The following TRAF6 variants were observed in gnomAD, a reference collection of about 807,000 sequenced individuals.
The protein encoded by TRAF6 is TNF receptor associated factor 6.
A neutral mutation model predicts 48.4 loss-of-function variants in TRAF6; 10 were observed. The ratio of observed to expected loss-of-function variants is 0.21; its 90% CI spans 0.13 to 0.35. The LOEUF (loss-of-function observed/expected upper bound fraction) is 0.35, where lower values mean the gene tolerates loss of function less well. Ranked by LOEUF, TRAF6 falls within the 10% of genes least tolerant of loss-of-function variation. The probability of loss-of-function intolerance (pLI) is 1.00; values close to 1 mark genes in which losing one functional copy is unlikely to be tolerated. For missense variants in TRAF6, 397 were observed against 661.0 expected (o/e 0.60, Z 4.38); for synonymous variants, 186 against 219.6 (o/e 0.85, Z 1.35).
At chr11:36,505,420 T>C (rs946364965) in intron 1 of TRAF6, among the ~76,000 whole-genome samples, 7 of 152,234 alleles carry the variant, frequency 4.6e-5, no homozygotes, top group Admixed American at 4.6e-4. Flanking sequence ...CCAATCTCTG[T>C]TAGCTTCCAA....
At chr11:36,494,938 T>C (rs143141923) in intron 5 of TRAF6, 38 bp downstream of exon 5, 29,529 of 1,390,084 alleles carry the variant, frequency 0.021, 403 homozygotes, top group South Asian at 0.026. Flanking sequence ...TTCTTTAAGC[T>C]GTTTATGAAA....
chr11:36,492,625 G>T lies in TRAF6; in HGVS notation c.682C>A (p.Pro228Thr). The change falls in exon 6 of 7, where the codon CCT becomes ACT. Residue 228 changes from proline (P) to threonine (T), a missense_variant. This residue lies in a region of TRAF6 where 245 missense variants were observed against 349.1 expected (regional missense o/e 0.70). Coordinates refer to ENST00000526995, the MANE Select transcript of TRAF6 (RefSeq NM_004620.4). Reference sequence around the variant, plus strand: ...GGGCAGTCTAGATCATAATGATTAGGCATCTGAAATCCAAAACAAAGGCTG... The same window carrying T: ...GGGCAGTCTAGATCATAATGATTAGTCATCTGAAATCCAAAACAAAGGCTG... ...CNTILIREQM[P>T]NHYDLDCPTA... 1 of 1,606,372 alleles carries T rather than the reference G, an allele frequency of 6.2e-7. No individual in the cohort carries two copies. The highest frequency in any genetic ancestry group is 8.5e-7 in the Non-Finnish European group (1 of 1,177,660).
Position 36,489,821 on chromosome 11 carries a change from G to C in TRAF6, c.*17C>G. 1 of 1,594,888 alleles carries C rather than the reference G, an allele frequency of 6.3e-7. No individual in the cohort carries two copies. Among genetic ancestry groups the C allele is most frequent in the African/African-American group, 1.3e-5 (1 of 74,276 alleles). ...CTGTTTTCTCCAGGTAGTTGTTTTTGAGCAAGTGAGGGCAAGCTATACCCC... is the reference window on the plus strand; with the variant it reads ...CTGTTTTCTCCAGGTAGTTGTTTTTCAGCAAGTGAGGGCAAGCTATACCCC... On this transcript the variant is annotated 3_prime_UTR_variant, in exon 7 of 7. Transcript: ENST00000526995.
chr11:36,489,496 T>TCATATAGTACTCATA lies in TRAF6; in HGVS notation c.*341_*342insTATGAGTACTATATG. ...AGGAAAATCCATTATTATTAAAAGTTTAGTACTCTTGAGTCTGGACTTTCT... is the reference window on the plus strand; with the variant it reads ...AGGAAAATCCATTATTATTAAAAGTTCATATAGTACTCATATAGTACTCTTGAGTCTGGACTTTCT... On this transcript the variant is annotated 3_prime_UTR_variant, in exon 7 of 7. Transcript: ENST00000526995. The TCATATAGTACTCATA allele has an allele frequency of 4.2e-6, 1 of 235,302 alleles. No individual in the cohort carries two copies. The allele number at this position is 235,302 out of a possible 1,614,324, so 14.6% of individuals were successfully genotyped here. A position where few individuals can be genotyped will look rare whatever the true frequency, so the allele number is the denominator to read the frequency against.
intron 2 of TRAF6, among the ~76,000 whole-genome samples, chr11:36,500,854 ATTC>A (rs1859706392): frequency 6.6e-6 from 1 of 152,284 alleles, no homozygotes; most frequent in South Asian, 2.1e-4. Flanking sequence ...CAGAGTCAGT[ATTC>A]TTTGTGTGGT....
chr11:36,495,710 T>C (rs1859621162), intron 4 of TRAF6, among the ~76,000 whole-genome samples: 1 of 152,002 alleles, frequency 6.6e-6, no homozygotes, highest in Admixed American at 6.6e-5. Flanking sequence ...CTGACCAACA[T>C]GGAGAAACCC....
intron 4 of TRAF6, chr11:36,496,608 C>G (rs941662325): frequency 6.6e-6 from 1 of 152,462 alleles, no homozygotes; most frequent in Non-Finnish European, 1.5e-5. Flanking sequence ...AAAGGATAAA[C>G]TTTTAAATTT....
At position 36,497,456 on chromosome 11, in the gene TRAF6, T is replaced by A. The variant is rs920179067; in HGVS notation, c.448-190A>T. Among the ~76,000 whole-genome samples, 5 of 152,182 alleles carry A rather than the reference T, an allele frequency of 3.3e-5. No individual in the cohort carries two copies. The East Asian group carries it at 9.6e-4, about 29-fold the overall frequency. ...AAAATGGTCATGGGTTGCAAATTTATACAAAGGATGTGAATTCTCAAGTTC... is the reference window on the plus strand; with the variant it reads ...AAAATGGTCATGGGTTGCAAATTTAAACAAAGGATGTGAATTCTCAAGTTC... On this transcript the variant is annotated intron_variant, in intron 3 of 6. Coordinates refer to ENST00000526995, the MANE Select transcript of TRAF6 (RefSeq NM_004620.4).
At chr11:36,494,486 T>C (rs1859603398) in intron 5 of TRAF6, among the ~76,000 whole-genome samples, 1 of 152,206 alleles carries the variant, frequency 6.6e-6, no homozygotes, top group African/African-American at 2.4e-5. Flanking sequence ...CCTAAAAATC[T>C]GAAAACTTCC....
intron 2 of TRAF6, among the ~76,000 whole-genome samples, chr11:36,500,481 T>C (rs1352969108): frequency 6.6e-6 from 1 of 152,202 alleles, no homozygotes; most frequent in African/African-American, 2.4e-5. Context: ...AAATGAATCA[T>C]GGGCCTATCA....
chr11:36,507,137 AATGTATAT>A (rs1859798099), intron 1 of TRAF6, among the ~76,000 whole-genome samples: 1 of 141,604 alleles, frequency 7.1e-6, no homozygotes. Context: ...TACATACATA[AATGTATAT>A]ATGTATATAT....
chr11:36,484,604 C>A lies in TRAF6; in HGVS notation c.*5234G>T, dbSNP rs1859455264. 6.7e-6 allele frequency among the ~76,000 whole-genome samples: 1 copy of A among 148,188 alleles called. No individual in the cohort carries two copies. Among genetic ancestry groups the A allele is most frequent in the Non-Finnish European group, 1.5e-5 (1 of 67,072 alleles). ...ATATTTAAATTTCAAATTCTAGTTT[C>A]TACTTTACAAGGAAAAGGACACGAA... On this transcript the variant is annotated 3_prime_UTR_variant, in exon 7 of 7. Transcript: ENST00000526995.
At chr11:36,494,167 C>G (rs1332444138) in intron 5 of TRAF6, among the ~76,000 whole-genome samples, 2 of 151,986 alleles carry the variant, frequency 1.3e-5, no homozygotes, top group East Asian at 3.9e-4. Context: ...GAGTTCGAGA[C>G]CAGTCTAGGC....
intron 1 of TRAF6, among the ~76,000 whole-genome samples, chr11:36,503,892 A>G (rs1237433423): frequency 1.3e-5 from 2 of 152,216 alleles, no homozygotes; most frequent in Non-Finnish European, 2.9e-5. Flanking sequence ...AAACCACCGC[A>G]ATAATCCAAA....
intron 1 of TRAF6, among the ~76,000 whole-genome samples, chr11:36,504,479 T>C (rs1859759766): frequency 1.3e-5 from 2 of 152,196 alleles, no homozygotes. Context: ...CTGCAGAAAT[T>C]CAGTCATATC....
At chr11:36,504,376 A>G (rs1463694674) in intron 1 of TRAF6, among the ~76,000 whole-genome samples, 1 of 149,730 alleles carries the variant, frequency 6.7e-6, no homozygotes, top group Non-Finnish European at 1.5e-5. Context: ...TGTTCACAGC[A>G]TCCTCACCAG....
chr11:36,504,144 G>C (rs558780476), intron 1 of TRAF6, among the ~76,000 whole-genome samples: 2 of 152,270 alleles, frequency 1.3e-5, no homozygotes, highest in East Asian at 3.9e-4. Flanking sequence ...TGATCAGGTT[G>C]GTGGCTGCTG....
intron 2 of TRAF6, among the ~76,000 whole-genome samples, chr11:36,500,705 C>A (rs535734565): frequency 6.6e-6 from 1 of 152,176 alleles, no homozygotes; most frequent in South Asian, 2.1e-4. Flanking sequence ...TGAGAAGGGA[C>A]TGGATTTTGG....
intron 1 of TRAF6, among the ~76,000 whole-genome samples, chr11:36,504,902 G>A (rs1052571998): frequency 6.6e-6 from 1 of 152,172 alleles, no homozygotes; most frequent in Non-Finnish European, 1.5e-5. Context: ...TGGGTGATTA[G>A]GTGCATTGTT....
Sources: gnomAD v4.1 joint callset for allele counts (sites outside exome capture counted in the v4.1 genomes callset) on GRCh38, gnomAD v4.1.1 for gene constraint, gnomAD v4.1.1 regional missense constraint, MANE v1.5 for transcripts, NCBI Gene and HGNC (gene_info 2026-07-23, HGNC 2026-07-21) for gene names.